Variants in LPCAT3 observed in about 807,000 individuals in gnomAD.
LPCAT3 encodes lysophosphatidylcholine acyltransferase 3, also known as lysophospholipid acyltransferase 5.
Under a neutral mutation model 63.4 loss-of-function variants are expected in LPCAT3, and 21 were observed. That is an observed-to-expected ratio of 0.33 (90% CI 0.23 to 0.48). The LOEUF (loss-of-function observed/expected upper bound fraction) is 0.48. LPCAT3 is among the 20% of genes least tolerant of loss of function. LPCAT3 has a pLI of 0.99. For missense variants in LPCAT3, 451 were observed against 590.6 expected, an observed-to-expected ratio of 0.76 and a Z score of 2.45; for synonymous variants, 242 against 227.5, an observed-to-expected ratio of 1.06 and a Z score of -0.58.
intron 1 of LPCAT3, among the ~76,000 whole-genome samples, chr12:7,013,941 AC>A (rs1165834997): frequency 6.6e-6 from 1 of 151,548 alleles, no homozygotes; most frequent in East Asian, 1.9e-4. Flanking sequence ...TCTTTAACCT[AC>A]AGTTCCAGCC....
intron 1 of LPCAT3, among the ~76,000 whole-genome samples, chr12:6,999,508 T>G (rs782576237): frequency 6.6e-6 from 1 of 152,242 alleles, no homozygotes; most frequent in Admixed American, 6.5e-5. Context: ...CTTTAATTTC[T>G]TCACTTAAGC....
intron 3 of LPCAT3, 55 bp from the exon 4 acceptor site, chr12:6,981,959 C>G: frequency 1.1e-6 from 1 of 924,672 alleles, no homozygotes; most frequent in Non-Finnish European, 1.8e-6. Flanking sequence ...TCTCCTTGCT[C>G]TGAAATTCAA....
At chr12:6,993,278 C>G (rs781986263) in intron 1 of LPCAT3, among the ~76,000 whole-genome samples, 44 of 151,838 alleles carry the variant, frequency 2.9e-4, no homozygotes, top group African/African-American at 1.0e-3. Context: ...TCTCTACTAA[C>G]AAAAAATTAG....
intron 1 of LPCAT3, among the ~76,000 whole-genome samples, chr12:7,011,601 T>C (rs1020386216): frequency 2.0e-5 from 3 of 146,778 alleles, no homozygotes; most frequent in Non-Finnish European, 4.4e-5. Context: ...TGAGCTGAGA[T>C]TGCACCACTG....
chr12:7,013,776 T>C (rs1169283837), intron 1 of LPCAT3, among the ~76,000 whole-genome samples: 1 of 152,194 alleles, frequency 6.6e-6, no homozygotes, highest in African/African-American at 2.4e-5. Context: ...TCTTTCTCCT[T>C]AGTTTCCCTA....
intron 4 of LPCAT3, 71 bp downstream of exon 4, chr12:6,981,740 G>T: frequency 7.2e-7 from 1 of 1,391,250 alleles, no homozygotes. Flanking sequence ...GAGGGGGGGT[G>T]CCGAGGAAGT....
chr12:7,007,969 C>G (rs1555156978), intron 1 of LPCAT3, among the ~76,000 whole-genome samples: 1 of 152,140 alleles, frequency 6.6e-6, no homozygotes, highest in Non-Finnish European at 1.5e-5. Context: ...TTTCTATGAG[C>G]AGCCTCTATT....
At chr12:6,996,549 C>A (rs1946637335) in intron 1 of LPCAT3, among the ~76,000 whole-genome samples, 1 of 152,214 alleles carries the variant, frequency 6.6e-6, no homozygotes, top group Admixed American at 6.5e-5. Flanking sequence ...GTTCCTGGTA[C>A]ACAAAATTTC....
chr12:6,979,770 C>T (rs1428622580), intron 6 of LPCAT3, 191 bp from the exon 7 acceptor site: 12 of 598,502 alleles, frequency 2.0e-5, no homozygotes, highest in Non-Finnish European at 3.3e-5. Flanking sequence ...GGAATGGGGA[C>T]TGCAAACCTC....
At chr12:6,983,691 C>T (rs1555154462) in intron 1 of LPCAT3, 152 bp from the exon 2 acceptor site, 7 of 587,598 alleles carry the variant, frequency 1.2e-5, no homozygotes, top group East Asian at 3.1e-5. Flanking sequence ...AAGGCAATAA[C>T]GGTATCCCCA....
Position 7,015,146 on chromosome 12 carries a change from C to G in LPCAT3, c.151+3128G>C, listed in dbSNP as rs1946789694. 2.6e-5 allele frequency among the ~76,000 whole-genome samples: 4 copies of G among 152,100 alleles called. No individual in the cohort carries two copies. The South Asian group carries it at 8.3e-4, about 31-fold the overall frequency. On this transcript the variant is annotated intron_variant, in intron 1 of 12. Coordinates refer to ENST00000261407, the MANE Select transcript of LPCAT3 (RefSeq NM_005768.6). ...GTGCTTTAATGCTCTGCATTCCACC[C>G]CAAGATCAGCACACAGAACTGAAGT... is the stretch of plus-strand genomic sequence containing the variant.
intron 6 of LPCAT3, among the ~76,000 whole-genome samples, chr12:6,980,339 TC>T (rs1293289937): frequency 6.6e-6 from 1 of 151,342 alleles, no homozygotes; most frequent in Non-Finnish European, 1.5e-5. Context: ...CACTGTGCCC[TC>T]CTGCATTTCC....
chr12:7,007,810 TATTTTTA>T (rs1946738030), intron 1 of LPCAT3, among the ~76,000 whole-genome samples: 1 of 152,192 alleles, frequency 6.6e-6, no homozygotes, highest in African/African-American at 2.4e-5. Flanking sequence ...AAAAGCTTTT[TATTTTTA>T]ATTTAATCTT....
chr12:7,007,219 AT>A (rs879948861), intron 1 of LPCAT3, among the ~76,000 whole-genome samples: 58 of 140,928 alleles, frequency 4.1e-4, no homozygotes, highest in Admixed American at 3.6e-4. Context: ...AATTTTTTGG[AT>A]TTTTTTTTTT....
intron 1 of LPCAT3, among the ~76,000 whole-genome samples, chr12:6,999,555 T>C (rs1185199117): frequency 6.6e-6 from 1 of 152,242 alleles, no homozygotes; most frequent in Admixed American, 6.5e-5. Context: ...TGAGGTGTAG[T>C]GCTAGTGATT....
At chr12:7,006,861 A>C (rs782162522) in intron 1 of LPCAT3, among the ~76,000 whole-genome samples, 2 of 152,352 alleles carry the variant, frequency 1.3e-5, no homozygotes, top group African/African-American at 2.4e-5. Flanking sequence ...ATCTGAGTTT[A>C]GAATTGCTAC....
chr12:6,983,260 A>G (rs1278238860), intron 2 of LPCAT3, 172 bp downstream of exon 2: 5 of 577,710 alleles, frequency 8.7e-6, no homozygotes, highest in Middle Eastern at 2.7e-4. Context: ...AAGAATGTAC[A>G]TAAAAGAAAA....
At chr12:7,016,521 C>T (rs1368120657) in intron 1 of LPCAT3, among the ~76,000 whole-genome samples, 2 of 152,152 alleles carry the variant, frequency 1.3e-5, no homozygotes, top group African/African-American at 4.8e-5. Flanking sequence ...AAGCGATCTG[C>T]CCACCTTGGC....
chr12:7,010,972 G>T (rs1946759358), intron 1 of LPCAT3, among the ~76,000 whole-genome samples: 1 of 152,038 alleles, frequency 6.6e-6, no homozygotes, highest in South Asian at 2.1e-4. Flanking sequence ...TGAATAGCTG[G>T]GACTACAGGT....
Sources: gnomAD v4.1 joint callset for allele counts (sites outside exome capture counted in the v4.1 genomes callset) on GRCh38, gnomAD v4.1.1 for gene constraint, MANE v1.5 for transcripts, NCBI Gene and HGNC (gene_info 2026-07-23, HGNC 2026-07-21) for gene names.